The following ZNF318 variants were observed in gnomAD, a reference collection of about 807,000 sequenced individuals.
The protein encoded by ZNF318 is zinc finger protein 318.
ZNF318 carries 51 observed loss-of-function variants against 124.2 expected under a neutral mutation model. The observed-to-expected ratio is 0.41, with a 90% confidence interval of 0.33 to 0.52. The LOEUF (loss-of-function observed/expected upper bound fraction) is 0.52. Ranked by LOEUF, ZNF318 falls within the 20% of genes least tolerant of loss-of-function variation. ZNF318 has a pLI of 0.23. For missense variants in ZNF318, 2,815 were observed against 2,811.2 expected (o/e 1.00, Z -0.03); for synonymous variants, 1,090 against 1,040.7 (o/e 1.05, Z -0.91).
chr6:43,351,993 A>T (rs1779531752), intron 5 of ZNF318, among the ~76,000 whole-genome samples: 3 of 151,806 alleles, frequency 2.0e-5, no homozygotes, highest in Admixed American at 2.0e-4. Flanking sequence ...ATACGAAAAA[A>T]ATTAGCTGGG....
chr6:43,348,924 C>G lies in ZNF318; in HGVS notation c.2771-299G>C, dbSNP rs555565981. 4.6e-5 allele frequency among the ~76,000 whole-genome samples: 7 copies of G among 152,246 alleles called. No individual in the cohort carries two copies. In the East Asian group the frequency reaches 1.3e-3, roughly 29 times the overall value. ...GGGTGGGCGCCTGTAATTCTATTTACCCGGGAGGCTGAGGCAGGAGAATTG... is the reference window on the plus strand; with the variant it reads ...GGGTGGGCGCCTGTAATTCTATTTAGCCGGGAGGCTGAGGCAGGAGAATTG... On this transcript the variant is annotated intron_variant, in intron 5 of 9. Transcript: ENST00000361428.
chr6:43,365,529 AG>A, intron 1 of ZNF318, 89 bp from the exon 2 acceptor site: 1 of 1,414,420 alleles, frequency 7.1e-7, no homozygotes, highest in South Asian at 1.3e-5. Flanking sequence ...AAAGTTAGCC[AG>A]GCATGGTGGC....
chr6:43,356,208 T>G, intron 3 of ZNF318, 63 bp from the exon 4 acceptor site: 1 of 1,481,830 alleles, frequency 6.7e-7, no homozygotes, highest in Non-Finnish European at 9.0e-7. Flanking sequence ...GTAATTGAGA[T>G]AAATACTTAA....
rs1779276436 is a variant in ZNF318, at chr6:43,336,114, A to ACT, written c.*1043_*1044insAG. The ACT allele has an allele frequency of 6.5e-6, 1 of 152,680 alleles. No homozygotes were observed. The highest frequency in any genetic ancestry group is 1.5e-5 in the Non-Finnish European group (1 of 68,044). The allele number at this position is 152,680 out of a possible 1,614,324, so 9.5% of individuals were successfully genotyped here. On this transcript the variant is annotated 3_prime_UTR_variant, in exon 10 of 10. Transcript: ENST00000361428. ...CCAAGTAATTAACACATTAAAAATA[A>ACT]AGTTAAACTTGTCCAAGCCAACTCA...
At chr6:43,343,172 C>A (rs1221356885) in intron 6 of ZNF318, among the ~76,000 whole-genome samples, 1 of 152,144 alleles carries the variant, frequency 6.6e-6, no homozygotes, top group African/African-American at 2.4e-5. Context: ...ACATTGGCTG[C>A]CTCTGGGGAA....
At chr6:43,341,819 G>A (rs1779376312) in intron 8 of ZNF318, among the ~76,000 whole-genome samples, 1 of 152,146 alleles carries the variant, frequency 6.6e-6, no homozygotes, top group Admixed American at 6.6e-5. Flanking sequence ...TTCCAAACAA[G>A]TAAGATTTTG....
chr6:43,341,077 C>G lies in ZNF318; in HGVS notation c.3377-169G>C, dbSNP rs150255275. Among the ~76,000 whole-genome samples the G allele has an allele frequency of 2.7e-3, 415 of 152,332 alleles. 1 individual carries two copies. The highest frequency in any genetic ancestry group is 0.014 in the Middle Eastern group (4 of 294). On this transcript the variant is annotated intron_variant, in intron 8 of 9. Transcript: ENST00000361428. ...GATGAATCCCAATGGCACAGTCTTTCCAACCTAAGGCTTGAACTACAGTCC... is the reference window on the plus strand; with the variant it reads ...GATGAATCCCAATGGCACAGTCTTTGCAACCTAAGGCTTGAACTACAGTCC...
At chr6:43,365,993 C>T (rs1248272876) in intron 1 of ZNF318, among the ~76,000 whole-genome samples, 3 of 152,128 alleles carry the variant, frequency 2.0e-5, no homozygotes, top group African/African-American at 4.8e-5. Flanking sequence ...CAGAACCCTA[C>T]TTCTAGTGTA....
At chr6:43,365,694 G>A (rs1779751573) in intron 1 of ZNF318, among the ~76,000 whole-genome samples, 1 of 152,168 alleles carries the variant, frequency 6.6e-6, no homozygotes, top group Non-Finnish European at 1.5e-5. Flanking sequence ...TGAGGTGGGA[G>A]GATAGCTTAA....
intron 1 of ZNF318, among the ~76,000 whole-genome samples, chr6:43,367,596 T>A (rs894069153): frequency 6.6e-6 from 1 of 152,076 alleles, no homozygotes; most frequent in African/African-American, 2.4e-5. Context: ...AGAAGGGAGA[T>A]AATGGCTGTT....
At chr6:43,360,517 G>A (rs1388124439) in intron 2 of ZNF318, among the ~76,000 whole-genome samples, 1 of 152,174 alleles carries the variant, frequency 6.6e-6, no homozygotes, top group Non-Finnish European at 1.5e-5. Flanking sequence ...ACTGATTGTT[G>A]GAGTTAGGTA....
chr6:43,340,779 C>G lies in ZNF318; in HGVS notation c.3495+11G>C. 6.2e-7 allele frequency: 1 copy of G among 1,607,410 alleles called. No homozygotes were observed. The highest frequency in any genetic ancestry group is 8.5e-7 in the Non-Finnish European group (1 of 1,173,942). Reference sequence around the variant, plus strand: ...AAGTTGGAAACTCCACAGCCTACTACAAAGACCAACCTTGTATTTCTCATT... The same window carrying G: ...AAGTTGGAAACTCCACAGCCTACTAGAAAGACCAACCTTGTATTTCTCATT... On this transcript the variant is annotated intron_variant, in intron 9 of 9. Transcript: ENST00000361428.
In ZNF318 at chr6:43,337,124, T is replaced by C. The variant is rs192289232; in HGVS notation, c.*34A>G. On this transcript the variant is annotated 3_prime_UTR_variant, in exon 10 of 10. Transcript: ENST00000361428. Reference sequence around the variant, plus strand: ...TGGGCATCTGATTTCTAGAAGCCAATGATTCACTCACAAGTAGCTCTAGGT... The same window carrying C: ...TGGGCATCTGATTTCTAGAAGCCAACGATTCACTCACAAGTAGCTCTAGGT... 2.8e-4 allele frequency: 419 copies of C among 1,512,090 alleles called. No homozygotes were observed. The highest frequency in any genetic ancestry group is 1.4e-3 in the Middle Eastern group (8 of 5,554). 93.7% of individuals were successfully genotyped at this position (1,512,090 alleles called of 1,614,324 possible).
chr6:43,337,774 G>A lies in ZNF318; in HGVS notation c.6224C>T (p.Ser2075Phe), dbSNP rs761832989. 8 of 1,614,192 alleles carry A rather than the reference G, an allele frequency of 5.0e-6. No homozygotes were observed. Among genetic ancestry groups the A allele is most frequent in the South Asian group, 1.1e-5 (1 of 91,078 alleles). The stretch of plus-strand genomic sequence containing the variant: ...AAAGTCAAGCACCAAGGTTTTGGGA[G>A]AATCTAACGGAAACCCAGAAAAAGA... ...IPSFSGFPLD[S>F]PKTLVLDFET... Residue 2075 changes from serine to phenylalanine, a missense_variant, in exon 10 of 10, where the codon TCT becomes TTT. By Grantham distance (155) the Ser-to-Phe change is radical. Coordinates refer to ENST00000361428, the MANE Select transcript of ZNF318 (RefSeq NM_014345.3).
intron 3 of ZNF318, among the ~76,000 whole-genome samples, chr6:43,356,479 C>T (rs2150754952): frequency 6.6e-6 from 1 of 152,292 alleles, no homozygotes; most frequent in South Asian, 2.1e-4. Flanking sequence ...AAAAAAAAAG[C>T]TGCTTTGGCT....
rs1365535140 is a variant in ZNF318, at chr6:43,355,481, C to T, written c.1853G>A (p.Arg618Gln). Residue 618 changes from arginine (R) to glutamine (Q), a missense_variant, in exon 4 of 10, where the codon CGA (arginine) becomes CAA (glutamine). By Grantham distance (43) the Arg-to-Gln change is conservative (BLOSUM62 1). Around this residue, in one of 4 missense-constraint regions of ZNF318, gnomAD observed 1,377 missense variants for 1,353.5 expected, o/e 1.02. Coordinates refer to ENST00000361428, the MANE Select transcript of ZNF318 (RefSeq NM_014345.3). ...ISQLAARTQE[R>Q]LHGKKPSLRS... ...TAATGATGGCTTCTTGCCATGAAGT[C>T]GTTCCTGGGTGCGTGCAGCCAATTG... 1.2e-6 allele frequency: 2 copies of T among 1,614,172 alleles called. No homozygotes were observed. The highest frequency in any genetic ancestry group is 1.7e-6 in the Non-Finnish European group (2 of 1,180,048).
Position 43,337,938 on chromosome 6 carries a change from C to T in ZNF318, c.6060G>A (p.Met2020Ile). 1 of 1,614,200 alleles carries T rather than the reference C, an allele frequency of 6.2e-7. No homozygotes were observed. The change falls in exon 10 of 10, where the codon ATG becomes ATA. Residue 2020 changes from methionine (M) to isoleucine (I), a missense_variant. Met to Ile is a conservative substitution (Grantham distance 10). Around this residue, in one of 4 missense-constraint regions of ZNF318, gnomAD observed 927 missense variants for 820.6 expected, o/e 1.13. Coordinates refer to ENST00000361428, the MANE Select transcript of ZNF318 (RefSeq NM_014345.3). ...ELTALGNLGD[M>I]PVDFCTTRVS... ...CCCGAGTAGTGCAGAAATCAACAGGCATATCCCCCAGATTCCCCAGGGCAG... is the reference window on the plus strand; with the variant it reads ...CCCGAGTAGTGCAGAAATCAACAGGTATATCCCCCAGATTCCCCAGGGCAG...
chr6:43,364,719 CTT>C (rs997095388), intron 2 of ZNF318, among the ~76,000 whole-genome samples: 17 of 152,340 alleles, frequency 1.1e-4, no homozygotes, highest in Admixed American at 7.8e-4. Flanking sequence ...ATCCAACTCT[CTT>C]GAGTGTATCT....
At chr6:43,346,106 TAGG>T (rs1779436818) in intron 6 of ZNF318, among the ~76,000 whole-genome samples, 1 of 134,062 alleles carries the variant, frequency 7.5e-6, no homozygotes, top group Non-Finnish European at 1.5e-5. Context: ...GAGGCTGAGG[TAGG>T]AGAATTGCCC....
Sources: allele counts gnomAD v4.1 joint callset (sites outside exome capture counted in the v4.1 genomes callset), GRCh38; gene constraint gnomAD v4.1.1; regional missense constraint gnomAD v4.1.1; transcripts MANE v1.5; gene names NCBI Gene and HGNC (gene_info 2026-07-23, HGNC 2026-07-21).